Variants in TSPAN14 observed in about 807,000 individuals in gnomAD.
TSPAN14 encodes tetraspanin 14.
A neutral mutation model predicts 36.6 loss-of-function variants in TSPAN14; 16 were observed. The ratio of observed to expected loss-of-function variants is 0.44; its 90% CI spans 0.30 to 0.66. The LOEUF (loss-of-function observed/expected upper bound fraction) is 0.66. Ranked by LOEUF, TSPAN14 falls within the 30% of genes least tolerant of loss-of-function variation. The pLI is 0.12. For synonymous variants in TSPAN14, 139 were observed against 143.8 expected (o/e 0.97, Z 0.24); for missense variants, 231 against 355.1 (o/e 0.65, Z 2.81).
intron 5 of TSPAN14, among the ~76,000 whole-genome samples, chr10:80,510,922 CCAGGGGAGGGATT>C (rs1441520943): frequency 1.4e-4 from 22 of 151,926 alleles, no homozygotes; most frequent in African/African-American, 5.1e-4. Flanking sequence ...ACAAAACTTC[CCAGGGGAGGGATT>C]CAGTAAATTA....
intron 2 of TSPAN14, among the ~76,000 whole-genome samples, chr10:80,490,996 TCTC>T (rs1328852466): frequency 2.0e-5 from 3 of 152,188 alleles, no homozygotes; most frequent in Admixed American, 2.0e-4. Flanking sequence ...AGATTTGGCA[TCTC>T]CTATGGGGAC....
chr10:80,517,386 T>C (rs1260718800), intron 8 of TSPAN14, among the ~76,000 whole-genome samples: 1 of 152,256 alleles, frequency 6.6e-6, no homozygotes, highest in African/African-American at 2.4e-5. Context: ...CTGTTCACGT[T>C]AGAAGAACAT....
intron 2 of TSPAN14, among the ~76,000 whole-genome samples, chr10:80,494,653 A>G (rs1021426559): frequency 2.0e-5 from 3 of 152,142 alleles, no homozygotes; most frequent in African/African-American, 2.4e-5. Context: ...AATTGCCCTT[A>G]TTTGAGCTGA....
At chr10:80,512,871 TTTGTTGTTGTTGTTGTTG>T (rs147443704) in intron 6 of TSPAN14, among the ~76,000 whole-genome samples, 2 of 150,310 alleles carry the variant, frequency 1.3e-5, no homozygotes, top group African/African-American at 4.9e-5. Flanking sequence ...TTATTTTCTG[TTTGTTGTTGTTGTTGTTG>T]TTGTTGTTGT....
At chr10:80,512,009 AG>A in intron 5 of TSPAN14, 134 bp from the exon 6 acceptor site, 2 of 1,364,296 alleles carry the variant, frequency 1.5e-6, no homozygotes, top group Non-Finnish European at 2.0e-6. Flanking sequence ...CATGGGAGGT[AG>A]GGGGCGGGCC....
In TSPAN14 at chr10:80,455,933, A is replaced by G. The variant is rs537215467; in HGVS notation, c.-18+1562A>G. ...TGACAGGCCCTGGAAACCCAGGGCCACCAGATGTATTTTCCCTTTCCTTCT... is the reference window on the plus strand; with the variant it reads ...TGACAGGCCCTGGAAACCCAGGGCCGCCAGATGTATTTTCCCTTTCCTTCT... On this transcript the variant is annotated intron_variant, in intron 1 of 8. Coordinates refer to ENST00000429989, the Ensembl canonical transcript of TSPAN14. 2.0e-5 allele frequency among the ~76,000 whole-genome samples: 3 copies of G among 152,284 alleles called. No homozygotes were observed. In the South Asian group the frequency reaches 6.2e-4, roughly 32 times the overall value.
chr10:80,502,491 C>G (rs72819600), intron 2 of TSPAN14, among the ~76,000 whole-genome samples: 1 of 152,030 alleles, frequency 6.6e-6, no homozygotes, highest in African/African-American at 2.4e-5. Flanking sequence ...GAAAGCTGGT[C>G]GAATGCACTG....
At chr10:80,485,536 A>G (rs1421817293) in intron 1 of TSPAN14, 1 of 689,260 alleles carries the variant, frequency 1.5e-6, no homozygotes, top group African/African-American at 1.9e-5. Flanking sequence ...TCAGAAGGCC[A>G]CCTTACACTG....
At chr10:80,508,773 T>C (rs1358289382) in intron 4 of TSPAN14, among the ~76,000 whole-genome samples, 1 of 152,208 alleles carries the variant, frequency 6.6e-6, no homozygotes, top group Non-Finnish European at 1.5e-5. Flanking sequence ...CCTCGTGACA[T>C]AGCCATAGTT....
chr10:80,514,931 C>T (rs1043646622), intron 7 of TSPAN14, among the ~76,000 whole-genome samples: 1 of 152,162 alleles, frequency 6.6e-6, no homozygotes, highest in African/African-American at 2.4e-5. Context: ...TGTGAAGACA[C>T]AGTGAGAGGG....
rs1451123776 is a variant in TSPAN14, at chr10:80,509,239, A to G, written c.280-62A>G. On this transcript the variant is annotated intron_variant, in intron 4 of 8. Transcript: ENST00000429989. This position sits in a 1 kb window ranked among gnomAD's most constrained non-coding sequence, Gnocchi z 4.7. ...TGGTGGTTCTGGGTCAGGTGGGGTT[A>G]TGTGTGTGGGGGTGCAGGCTGGTGG... 6 of 1,548,904 alleles carry G rather than the reference A, an allele frequency of 3.9e-6. No individual in the cohort carries two copies. Among genetic ancestry groups the G allele is most frequent in the Non-Finnish European group, 4.4e-6 (5 of 1,136,330 alleles).
intron 1 of TSPAN14, among the ~76,000 whole-genome samples, chr10:80,486,351 G>A (rs766858716): frequency 2.0e-5 from 3 of 152,328 alleles, no homozygotes; most frequent in Middle Eastern, 3.4e-3. Context: ...ACCAGGGACC[G>A]TCAGGTTGAG....
At chr10:80,520,954 G>T in exon 9 of TSPAN14, 1 of 437,166 alleles carries the variant, frequency 2.3e-6, no homozygotes, top group East Asian at 5.8e-5. Flanking sequence ...AGCCTCCGGG[G>T]AATCCCACTA....
chr10:80,516,087 T>A, intron 7 of TSPAN14, 117 bp from the exon 8 acceptor site: 1 of 1,522,900 alleles, frequency 6.6e-7, no homozygotes, highest in Non-Finnish European at 8.9e-7. Context: ...CTTGCCTGCC[T>A]CCTGGATCCC....
At chr10:80,487,038 A>G (rs367901177) in intron 1 of TSPAN14, among the ~76,000 whole-genome samples, 5 of 152,234 alleles carry the variant, frequency 3.3e-5, no homozygotes, top group East Asian at 1.9e-4. Flanking sequence ...CCTGGGCAAC[A>G]TAACATAGTG....
chr10:80,506,321 C>T (rs542371291), intron 3 of TSPAN14, among the ~76,000 whole-genome samples: 11 of 152,126 alleles, frequency 7.2e-5, no homozygotes, highest in East Asian at 3.9e-4. Context: ...TTAGTTGAGG[C>T]GGTCTTTTTC....
At chr10:80,484,836 TGA>T (rs1229809975) in intron 1 of TSPAN14, among the ~76,000 whole-genome samples, 1 of 152,206 alleles carries the variant, frequency 6.6e-6, no homozygotes, top group Admixed American at 6.5e-5. Flanking sequence ...AAAATGGACT[TGA>T]AAACCCTGTT....
At chr10:80,517,784 C>A in intron 8 of TSPAN14, 121 bp from the exon 9 acceptor site, 1 of 946,742 alleles carries the variant, frequency 1.1e-6, no homozygotes, top group Non-Finnish European at 1.6e-6. Context: ...TCTACGTCTT[C>A]AGTCGCAGCT....
intron 1 of TSPAN14, among the ~76,000 whole-genome samples, chr10:80,480,120 T>TTGTG (rs1265750547): frequency 6.6e-6 from 1 of 151,378 alleles, no homozygotes; most frequent in Non-Finnish European, 1.5e-5. Flanking sequence ...CTAAGAATGC[T>TTGTG]TGTGATTTTT....
Sources: allele counts gnomAD v4.1 joint callset (sites outside exome capture counted in the v4.1 genomes callset), GRCh38; gene constraint gnomAD v4.1.1; non-coding constraint Gnocchi (gnomAD v3.1); transcripts MANE v1.5; gene names NCBI Gene and HGNC (gene_info 2026-07-23, HGNC 2026-07-21).